The following ATRNL1 variants were observed in gnomAD, a reference collection of about 807,000 sequenced individuals.
The protein encoded by ATRNL1 is attractin-like protein 1.
A neutral mutation model predicts 182.7 loss-of-function variants in ATRNL1; 95 were observed. The ratio of observed to expected loss-of-function variants is 0.52; its 90% CI spans 0.44 to 0.62. The LOEUF is 0.62. ATRNL1 is among the 20% of genes least tolerant of loss of function. The pLI, the probability that ATRNL1 is intolerant of heterozygous loss-of-function variation, is 0.00. For synonymous variants in ATRNL1, 576 were observed against 568.3 expected, an observed-to-expected ratio of 1.01 and a Z score of -0.19; for missense variants, 1,471 against 1,679.5, an observed-to-expected ratio of 0.88 and a Z score of 2.17.
chr10:115,515,190 C>T (rs1645512835), intron 24 of ATRNL1, among the ~76,000 whole-genome samples: 1 of 151,824 alleles, frequency 6.6e-6, no homozygotes, highest in Non-Finnish European at 1.5e-5. Flanking sequence ...TATTGATTCC[C>T]TCTTTTTCCT....
At chr10:115,926,924 G>T (rs1953254003) in intron 28 of ATRNL1, among the ~76,000 whole-genome samples, 1 of 152,076 alleles carries the variant, frequency 6.6e-6, no homozygotes, top group African/African-American at 2.4e-5. Context: ...TATGAAGCCA[G>T]CATCATCCTG....
chr10:115,682,420 C>T (rs1317782324), intron 26 of ATRNL1, among the ~76,000 whole-genome samples: 1 of 152,060 alleles, frequency 6.6e-6, no homozygotes, highest in Admixed American at 6.6e-5. Flanking sequence ...TCCTGTAATC[C>T]CAGCGACTTG....
rs377032348 is a variant in ATRNL1, at chr10:115,127,978, A to G, written c.620+257A>G. On this transcript the variant is annotated intron_variant, in intron 4 of 28. Coordinates refer to ENST00000355044, the MANE Select transcript of ATRNL1 (RefSeq NM_207303.4). ...TGTTTTTTGGCAAGTGATTAAGTAA[A>G]CAAGTACTAGTGTAGCTTTACTGGT... Among the ~76,000 whole-genome samples the G allele has an allele frequency of 7.8e-4, 119 of 152,314 alleles. 2 individuals carry two copies. In the South Asian group the frequency reaches 0.024, roughly 31 times the overall value.
At chr10:115,322,537 A>C (rs1356083850) in intron 18 of ATRNL1, among the ~76,000 whole-genome samples, 2 of 152,062 alleles carry the variant, frequency 1.3e-5, no homozygotes, top group Non-Finnish European at 2.9e-5. Flanking sequence ...GTAATAGAAA[A>C]AAGGAAAATA....
intron 20 of ATRNL1, among the ~76,000 whole-genome samples, chr10:115,421,964 A>T (rs1283269146): frequency 6.6e-6 from 1 of 152,332 alleles, no homozygotes; most frequent in Admixed American, 6.5e-5. Context: ...CCTATTCAAT[A>T]AATGGTGCTG....
intron 28 of ATRNL1, among the ~76,000 whole-genome samples, chr10:115,887,662 CTT>C (rs1412527934): frequency 3.5e-5 from 5 of 144,236 alleles, no homozygotes; most frequent in South Asian, 2.2e-4. Flanking sequence ...ACATAGAGCT[CTT>C]TTTTTTTTTT....
chr10:115,144,249 G>C (rs1554878811), intron 5 of ATRNL1, among the ~76,000 whole-genome samples: 1 of 152,068 alleles, frequency 6.6e-6, no homozygotes, highest in African/African-American at 2.4e-5. Context: ...CTGGGTTTAC[G>C]CTATTCTCCT....
intron 25 of ATRNL1, among the ~76,000 whole-genome samples, chr10:115,539,564 T>C (rs1280233962): frequency 6.6e-6 from 1 of 152,194 alleles, no homozygotes; most frequent in Admixed American, 6.5e-5. Flanking sequence ...CTACTATAGT[T>C]TGGACAGGGT....
At chr10:115,284,832 A>G (rs1852531496) in intron 14 of ATRNL1, among the ~76,000 whole-genome samples, 1 of 152,226 alleles carries the variant, frequency 6.6e-6, no homozygotes, top group African/African-American at 2.4e-5. Flanking sequence ...AAAATAAAAT[A>G]TGCTATTAAG....
intron 26 of ATRNL1, among the ~76,000 whole-genome samples, chr10:115,574,729 A>T (rs967874431): frequency 6.6e-6 from 1 of 152,194 alleles, no homozygotes; most frequent in Non-Finnish European, 1.5e-5. Context: ...CTGATACCAA[A>T]GCCAGTTAAG....
intron 28 of ATRNL1, among the ~76,000 whole-genome samples, chr10:115,918,059 G>C (rs552570846): frequency 6.7e-6 from 1 of 149,864 alleles, no homozygotes; most frequent in African/African-American, 2.5e-5. Flanking sequence ...TCAGATTTGT[G>C]TGATGTGTCC....
At chr10:115,878,813 C>T (rs540461276) in intron 28 of ATRNL1, among the ~76,000 whole-genome samples, 1 of 152,222 alleles carries the variant, frequency 6.6e-6, no homozygotes, top group East Asian at 1.9e-4. Context: ...GCTCCTTCGC[C>T]CAGCAGCAAC....
chr10:115,106,132 C>T (rs1462579934), intron 1 of ATRNL1, among the ~76,000 whole-genome samples: 1 of 152,214 alleles, frequency 6.6e-6, no homozygotes. Flanking sequence ...ACCATGGGAA[C>T]CCACCTCTTG....
At chr10:115,247,211 T>C (rs1008011400) in intron 10 of ATRNL1, among the ~76,000 whole-genome samples, 1 of 152,042 alleles carries the variant, frequency 6.6e-6, no homozygotes, top group African/African-American at 2.4e-5. Context: ...ATCAACAGAA[T>C]GAAAAGACAA....
In ATRNL1 at chr10:115,717,548, C is replaced by CTTTTTTTTTTTTTTTTTTTTTT. The variant is rs61386440; in HGVS notation, c.3796-9679_3796-9678insTTTTTTTTTTTTTTTTTTTTTT. Among the ~76,000 whole-genome samples, 3 of 84,350 alleles carry CTTTTTTTTTTTTTTTTTTTTTT rather than the reference C, an allele frequency of 3.6e-5. 1 individual carries two copies. Among genetic ancestry groups the CTTTTTTTTTTTTTTTTTTTTTT allele is most frequent in the Non-Finnish European group, 6.6e-5 (3 of 45,702 alleles). 55.3% of individuals were successfully genotyped at this position (84,350 alleles called of 152,430 possible). On this transcript the variant is annotated intron_variant, in intron 26 of 28. Transcript: ENST00000355044. ...TGATTTTCCCGCTGCCTGAAATGTT[C>CTTTTTTTTTTTTTTTTTTTTTT]TTTTTTTTTTTTTTTTTTTTTGAGA...
chr10:115,615,027 G>A (rs1406448824), intron 26 of ATRNL1, among the ~76,000 whole-genome samples: 1 of 151,446 alleles, frequency 6.6e-6, no homozygotes, highest in African/African-American at 2.4e-5. Flanking sequence ...TACATTCAAG[G>A]TTTTTACTTT....
chr10:115,330,085 A>T (rs1274533997), intron 18 of ATRNL1, among the ~76,000 whole-genome samples: 1 of 152,168 alleles, frequency 6.6e-6, no homozygotes, highest in African/African-American at 2.4e-5. Context: ...TATCAAAAAC[A>T]TCTTATTATT....
intron 18 of ATRNL1, among the ~76,000 whole-genome samples, chr10:115,323,734 G>A (rs933675373): frequency 2.6e-5 from 4 of 151,214 alleles, no homozygotes; most frequent in Admixed American, 6.6e-5. Context: ...ATGAGCCACC[G>A]TGCCTGGCCC....
At chr10:115,096,492 A>G (rs782157045) in intron 1 of ATRNL1, among the ~76,000 whole-genome samples, 1 of 152,176 alleles carries the variant, frequency 6.6e-6, no homozygotes, top group Non-Finnish European at 1.5e-5. Flanking sequence ...TAACTAGAAA[A>G]TCTCACTTCA....
Sources: gnomAD v4.1 joint callset for allele counts (sites outside exome capture counted in the v4.1 genomes callset) on GRCh38, gnomAD v4.1.1 for gene constraint, MANE v1.5 for transcripts, NCBI Gene and HGNC (gene_info 2026-07-23, HGNC 2026-07-21) for gene names.